Variants in FBXL7 observed in about 807,000 individuals in gnomAD.
FBXL7 encodes the protein F-box and leucine rich repeat protein 7.
FBXL7 carries 12 observed loss-of-function variants against 38.3 expected under a neutral mutation model. The observed-to-expected ratio is 0.31, with a 90% confidence interval of 0.20 to 0.51. The LOEUF is 0.51. Ranked by LOEUF, FBXL7 falls within the 20% of genes least tolerant of loss-of-function variation. The probability of loss-of-function intolerance (pLI) is 0.98; values close to 1 mark genes in which losing one functional copy is unlikely to be tolerated. For synonymous variants in FBXL7, 297 were observed against 300.9 expected, an observed-to-expected ratio of 0.99 and a Z score of 0.13; for missense variants, 567 against 676.4, an observed-to-expected ratio of 0.84 and a Z score of 1.79.
At chr5:15,528,248 T>C (rs1210214798) in intron 1 of FBXL7, among the ~76,000 whole-genome samples, 1 of 152,198 alleles carries the variant, frequency 6.6e-6, no homozygotes, top group Non-Finnish European at 1.5e-5. Flanking sequence ...GGAGTTTCTC[T>C]TCAGCTCATT....
chr5:15,720,922 G>C (rs1460296464), intron 2 of FBXL7, among the ~76,000 whole-genome samples: 3 of 151,966 alleles, frequency 2.0e-5, no homozygotes, highest in East Asian at 1.9e-4. Context: ...AAATATGTTT[G>C]AAAGTGATAA....
At chr5:15,592,931 G>A (rs1739524881) in intron 1 of FBXL7, among the ~76,000 whole-genome samples, 1 of 152,198 alleles carries the variant, frequency 6.6e-6, no homozygotes, top group African/African-American at 2.4e-5. Context: ...TCCAGGATAA[G>A]ATGCGTATCA....
chr5:15,607,989 G>T (rs894623945), intron 1 of FBXL7, among the ~76,000 whole-genome samples: 2 of 152,152 alleles, frequency 1.3e-5, no homozygotes, highest in Non-Finnish European at 2.9e-5. Context: ...CCCCTAATGG[G>T]GGTTTAGCTA....
At chr5:15,835,687 A>G (rs1011049653) in intron 2 of FBXL7, among the ~76,000 whole-genome samples, 1 of 152,174 alleles carries the variant, frequency 6.6e-6, no homozygotes, top group African/African-American at 2.4e-5. Flanking sequence ...CTGACTCTAA[A>G]GCTGGGCATC....
intron 2 of FBXL7, among the ~76,000 whole-genome samples, chr5:15,718,656 A>G (rs894303219): frequency 3.3e-5 from 5 of 152,270 alleles, no homozygotes; most frequent in Non-Finnish European, 7.3e-5. Flanking sequence ...TAATAATAAC[A>G]GGCTTTTCCG....
intron 2 of FBXL7, among the ~76,000 whole-genome samples, chr5:15,653,172 A>C (rs1741768197): frequency 6.6e-6 from 1 of 152,232 alleles, no homozygotes; most frequent in Non-Finnish European, 1.5e-5. Flanking sequence ...TAGATAAATT[A>C]ATAATGAAAA....
In FBXL7 at chr5:15,864,137, A is replaced by C. The variant is rs555194870; in HGVS notation, c.128-63753A>C. Among the ~76,000 whole-genome samples the C allele has an allele frequency of 5.3e-5, 8 of 152,012 alleles. 1 individual carries two copies. The highest frequency in any genetic ancestry group is 1.2e-4 in the Non-Finnish European group (8 of 67,984). On this transcript the variant is annotated intron_variant, in intron 2 of 3. Transcript: ENST00000504595. ...AGCAACCCAAATGGACTAAGACACC[A>C]TTTCTAGAAGCCCTGTCATTGATAT...
intron 2 of FBXL7, among the ~76,000 whole-genome samples, chr5:15,874,412 G>T (rs988374327): frequency 6.6e-5 from 10 of 152,272 alleles, no homozygotes; most frequent in Admixed American, 5.9e-4. Flanking sequence ...GGAAGTTCTG[G>T]TCAGGGCAGT....
At chr5:15,705,758 G>A (rs1743662610) in intron 2 of FBXL7, among the ~76,000 whole-genome samples, 1 of 152,124 alleles carries the variant, frequency 6.6e-6, no homozygotes, top group African/African-American at 2.4e-5. Context: ...TGGGTGGTGG[G>A]AAGTCAATAG....
At chr5:15,882,611 A>G (rs1364996728) in intron 2 of FBXL7, among the ~76,000 whole-genome samples, 1 of 152,236 alleles carries the variant, frequency 6.6e-6, no homozygotes, top group African/African-American at 2.4e-5. Context: ...CTAGTCAGAA[A>G]CAGAAATACA....
intron 2 of FBXL7, among the ~76,000 whole-genome samples, chr5:15,825,840 CT>C (rs1238631927): frequency 6.6e-6 from 1 of 152,148 alleles, no homozygotes; most frequent in African/African-American, 2.4e-5. Context: ...TAAGTGTCAA[CT>C]TCAGTTGTCT....
At chr5:15,840,394 T>A (rs1738713295) in intron 2 of FBXL7, among the ~76,000 whole-genome samples, 1 of 152,222 alleles carries the variant, frequency 6.6e-6, no homozygotes, top group Admixed American at 6.5e-5. Context: ...AGAGCTTAGC[T>A]TTACTCTTTC....
At chr5:15,595,501 T>G (rs971187211) in intron 1 of FBXL7, among the ~76,000 whole-genome samples, 1 of 152,194 alleles carries the variant, frequency 6.6e-6, no homozygotes, top group Non-Finnish European at 1.5e-5. Context: ...ATTATTTAGA[T>G]TGCAGGCTGA....
At chr5:15,637,710 G>A (rs79441325) in intron 2 of FBXL7, among the ~76,000 whole-genome samples, 12,904 of 152,166 alleles carry the variant, frequency 0.085, 630 homozygotes, top group South Asian at 0.13. Flanking sequence ...TAGAAAAGAA[G>A]GACTGGAACA....
chr5:15,524,515 AGCTACTTCTT>A (rs1342614553), intron 1 of FBXL7, among the ~76,000 whole-genome samples: 1 of 152,214 alleles, frequency 6.6e-6, no homozygotes, highest in African/African-American at 2.4e-5. Flanking sequence ...GTAATTTCTC[AGCTACTTCTT>A]GCTGCTGACC....
chr5:15,876,101 A>C (rs936613029), intron 2 of FBXL7, among the ~76,000 whole-genome samples: 2 of 152,240 alleles, frequency 1.3e-5, no homozygotes, highest in African/African-American at 4.8e-5. Context: ...TGTCCTTTGC[A>C]GGGACATGGA....
At chr5:15,622,820 T>A (rs1238271211) in intron 2 of FBXL7, among the ~76,000 whole-genome samples, 1 of 152,242 alleles carries the variant, frequency 6.6e-6, no homozygotes, top group Non-Finnish European at 1.5e-5. Context: ...TTCTCCTGCT[T>A]CAGCCTCCCA....
chr5:15,679,286 C>T (rs1742760939), intron 2 of FBXL7, among the ~76,000 whole-genome samples: 1 of 152,178 alleles, frequency 6.6e-6, no homozygotes, highest in Admixed American at 6.5e-5. Context: ...AAAGAAAAAC[C>T]TCATTTGGTT....
intron 2 of FBXL7, among the ~76,000 whole-genome samples, chr5:15,643,897 G>A (rs745871033): frequency 1.6e-4 from 25 of 152,122 alleles, no homozygotes; most frequent in Non-Finnish European, 2.8e-4. Context: ...GTCCAAATTC[G>A]TGCTTAGATG....
Sources: allele counts gnomAD v4.1 joint callset (sites outside exome capture counted in the v4.1 genomes callset), GRCh38; gene constraint gnomAD v4.1.1; transcripts MANE v1.5; gene names NCBI Gene and HGNC (gene_info 2026-07-23, HGNC 2026-07-21).